MBD5: variants seen among roughly 807,000 people sequenced by gnomAD.
The protein encoded by MBD5 is methyl-CpG binding domain protein 5, also known as methyl-CpG-binding domain protein 5.
In MBD5, 13 loss-of-function variants were observed where a neutral mutation model predicts 117.3. That is an observed-to-expected ratio of 0.11 (90% CI 0.07 to 0.18). The LOEUF (loss-of-function observed/expected upper bound fraction) is 0.18, where lower values mean the gene tolerates loss of function less well. MBD5 is among the 10% of genes least tolerant of loss of function. MBD5 has a pLI of 1.00. For missense variants in MBD5, 1,879 were observed against 2,093.8 expected, an observed-to-expected ratio of 0.90 and a Z score of 2.00; for synonymous variants, 727 against 766.4, an observed-to-expected ratio of 0.95 and a Z score of 0.85.
At chr2:148,088,633 TAA>T (rs997288834) in intron 1 of MBD5, among the ~76,000 whole-genome samples, 1 of 152,212 alleles carries the variant, frequency 6.6e-6, no homozygotes, top group South Asian at 2.1e-4. Flanking sequence ...GAAAAAGAAA[TAA>T]AGTTTTTCAG....
At chr2:148,186,412 A>T (rs776321207) in intron 2 of MBD5, among the ~76,000 whole-genome samples, 34 of 152,202 alleles carry the variant, frequency 2.2e-4, no homozygotes, top group Admixed American at 9.2e-4. Context: ...GACAAATACA[A>T]TGAGTAAAAG....
At chr2:148,299,636 T>C (rs1359195454) in intron 3 of MBD5, among the ~76,000 whole-genome samples, 1 of 152,222 alleles carries the variant, frequency 6.6e-6, no homozygotes, top group Non-Finnish European at 1.5e-5. Context: ...GGCTCAGTTT[T>C]ATTCCATTTC....
intron 4 of MBD5, among the ~76,000 whole-genome samples, chr2:148,445,243 C>T (rs907507063): frequency 2.0e-5 from 3 of 151,222 alleles, no homozygotes; most frequent in South Asian, 4.2e-4. Flanking sequence ...CCCATTAACT[C>T]GTCATTTACA....
At chr2:148,104,588 T>C (rs1199892543) in intron 1 of MBD5, among the ~76,000 whole-genome samples, 1 of 152,222 alleles carries the variant, frequency 6.6e-6, no homozygotes, top group Non-Finnish European at 1.5e-5. Flanking sequence ...AATGAGTGTT[T>C]AAAAATTTTC....
chr2:148,391,346 A>T (rs1704565361), intron 4 of MBD5, among the ~76,000 whole-genome samples: 2 of 152,136 alleles, frequency 1.3e-5, no homozygotes, highest in African/African-American at 4.8e-5. Flanking sequence ...AAACAAAAAA[A>T]TTTACAGGTT....
intron 1 of MBD5, among the ~76,000 whole-genome samples, chr2:148,060,200 T>C (rs1384674360): frequency 7.1e-6 from 1 of 141,596 alleles, no homozygotes; most frequent in Non-Finnish European, 1.5e-5. Flanking sequence ...TCCCAGATAT[T>C]TGGGAGGCCA....
At chr2:148,160,491 T>A (rs1229992875) in intron 1 of MBD5, among the ~76,000 whole-genome samples, 2 of 151,940 alleles carry the variant, frequency 1.3e-5, no homozygotes, top group African/African-American at 4.8e-5. Flanking sequence ...AAACAATGAG[T>A]AGTGTGGCCA....
chr2:148,497,280 C>T (rs1482722749), intron 11 of MBD5, among the ~76,000 whole-genome samples: 1 of 151,898 alleles, frequency 6.6e-6, no homozygotes, highest in African/African-American at 2.4e-5. Context: ...CTATTCAAGC[C>T]ACTTTTTAGA....
chr2:148,480,928 G>C (rs1455895867), intron 8 of MBD5, among the ~76,000 whole-genome samples: 13 of 151,964 alleles, frequency 8.6e-5, no homozygotes. Context: ...CTTGCTATAG[G>C]GATGTTCTGT....
chr2:148,279,491 A>C (rs1243779660), intron 3 of MBD5, among the ~76,000 whole-genome samples: 1 of 152,226 alleles, frequency 6.6e-6, no homozygotes, highest in East Asian at 1.9e-4. Context: ...AAGGTCAGGC[A>C]CAGTGCCTAC....
intron 1 of MBD5, among the ~76,000 whole-genome samples, chr2:148,160,120 C>T (rs2105738307): frequency 6.6e-6 from 1 of 152,310 alleles, no homozygotes; most frequent in Admixed American, 6.5e-5. Context: ...TCCACAGAGG[C>T]CGGGTGCGGT....
chr2:148,101,317 C>T (rs1696210976), intron 1 of MBD5, among the ~76,000 whole-genome samples: 2 of 151,796 alleles, frequency 1.3e-5, no homozygotes, highest in South Asian at 4.2e-4. Flanking sequence ...AAAAAATTAG[C>T]CAGGCATGGT....
chr2:148,157,154 A>G (rs1406135495), intron 1 of MBD5, among the ~76,000 whole-genome samples: 3 of 151,972 alleles, frequency 2.0e-5, no homozygotes, highest in Non-Finnish European at 2.9e-5. Context: ...TATTATTATT[A>G]TACTTTAAGT....
chr2:148,427,957 C>G (rs556396859), intron 4 of MBD5, among the ~76,000 whole-genome samples: 1 of 152,096 alleles, frequency 6.6e-6, no homozygotes, highest in Non-Finnish European at 1.5e-5. Context: ...CCCTCTCTCA[C>G]CATTCCTATT....
intron 1 of MBD5, chr2:148,053,910 CT>C (rs35830585): frequency 0.42 from 56,992 of 136,386 alleles, 11,289 homozygotes; most frequent in Middle Eastern, 0.53. Flanking sequence ...TTCTTTTTTT[CT>C]TTTTTTTTTT....
At chr2:148,333,668 C>G (rs749185498) in intron 3 of MBD5, among the ~76,000 whole-genome samples, 4 of 148,918 alleles carry the variant, frequency 2.7e-5, no homozygotes, top group Non-Finnish European at 4.4e-5. Flanking sequence ...ATGGTGAAAC[C>G]CTGTCTCTGC....
chr2:148,070,523 T>C (rs1695322062), intron 1 of MBD5, among the ~76,000 whole-genome samples: 3 of 152,154 alleles, frequency 2.0e-5, no homozygotes, highest in Admixed American at 6.5e-5. Context: ...GGTACCAAGA[T>C]TACTTAATAG....
At chr2:148,221,433 C>G (rs1699683084) in intron 2 of MBD5, among the ~76,000 whole-genome samples, 1 of 152,054 alleles carries the variant, frequency 6.6e-6, no homozygotes, top group Admixed American at 6.6e-5. Context: ...TTGTTATTGC[C>G]TTTCTTTTGA....
intron 3 of MBD5, among the ~76,000 whole-genome samples, chr2:148,313,156 ATCCCT>A (rs1484127336): frequency 1.3e-5 from 2 of 152,140 alleles, no homozygotes; most frequent in East Asian, 3.9e-4. Context: ...GAGGCAGTCT[ATCCCT>A]TAGCAGAACT....
Sources: allele counts gnomAD v4.1 joint callset (sites outside exome capture counted in the v4.1 genomes callset), GRCh38; gene constraint gnomAD v4.1.1; transcripts MANE v1.5; gene names NCBI Gene and HGNC (gene_info 2026-07-23, HGNC 2026-07-21).